Variants in TJP1 observed in about 807,000 individuals in gnomAD.
TJP1 encodes the protein tight junction protein ZO-1.
TJP1 carries 43 observed loss-of-function variants against 194.2 expected under a neutral mutation model. The observed-to-expected ratio is 0.22, with a 90% confidence interval of 0.17 to 0.29. The LOEUF (loss-of-function observed/expected upper bound fraction) is 0.29, where lower values mean the gene tolerates loss of function less well. TJP1 is among the 10% of genes least tolerant of loss of function. The pLI, the probability that TJP1 is intolerant of heterozygous loss-of-function variation, is 1.00. For missense variants in TJP1, 1,971 were observed against 2,185.7 expected (o/e 0.90, Z 1.96); for synonymous variants, 801 against 779.0 (o/e 1.03, Z -0.47).
intron 26 of TJP1, 102 bp downstream of exon 26, chr15:29,705,426 A>T: frequency 8.3e-7 from 1 of 1,206,660 alleles, no homozygotes; most frequent in Non-Finnish European, 1.2e-6. Context: ...TCATCTGGAG[A>T]TAGAGAGGTG....
chr15:29,825,607 G>C (rs1291130786), upstream of TJP1, among the ~76,000 whole-genome samples: 1 of 152,092 alleles, frequency 6.6e-6, no homozygotes, highest in African/African-American at 2.4e-5. Flanking sequence ...TATATGTATG[G>C]TTTTAATTGC....
At chr15:29,726,645 G>T in intron 17 of TJP1, 136 bp downstream of exon 17, 1 of 1,115,856 alleles carries the variant, frequency 9.0e-7, no homozygotes. Context: ...TAACCAAACA[G>T]CAGGTGTTAA....
At chr15:29,882,282 G>C (rs974413033) in intron 2 of TJP1, among the ~76,000 whole-genome samples, 3 of 152,124 alleles carry the variant, frequency 2.0e-5, no homozygotes, top group African/African-American at 7.2e-5. Flanking sequence ...TTTGGTTTTG[G>C]TGAAGGGGAG....
chr15:29,925,606 C>T (rs1718986), intron 2 of TJP1, among the ~76,000 whole-genome samples: 6 of 152,046 alleles, frequency 3.9e-5, no homozygotes, highest in Admixed American at 6.6e-5. Context: ...CACAAATACA[C>T]GCACCCTTTT....
chr15:29,843,016 A>C (rs1376581590), intron 2 of TJP1, among the ~76,000 whole-genome samples: 1 of 152,174 alleles, frequency 6.6e-6, no homozygotes, highest in Non-Finnish European at 1.5e-5. Flanking sequence ...ATAAAGATTA[A>C]AACGAACTCC....
chr15:29,932,087 G>A (rs1291561904), intron 2 of TJP1, among the ~76,000 whole-genome samples: 2 of 152,266 alleles, frequency 1.3e-5, no homozygotes, highest in East Asian at 1.9e-4. Context: ...TTTATGACCT[G>A]TATCTTGTGC....
At chr15:29,740,806 C>T (rs1407854322) in intron 10 of TJP1, among the ~76,000 whole-genome samples, 1 of 151,936 alleles carries the variant, frequency 6.6e-6, no homozygotes, top group Admixed American at 6.6e-5. Context: ...AGGTTCTCAA[C>T]CAATCTCAAC....
intron 2 of TJP1, among the ~76,000 whole-genome samples, chr15:29,955,753 T>TAAAAAAAAAAAAAAAAAAAAA (rs563535771): frequency 4.2e-4 from 15 of 35,814 alleles, no homozygotes; most frequent in East Asian, 1.1e-3. Flanking sequence ...CCTGGCTCTT[T>TAAAAAAAAAAAAAAAAAAAAA]AAAAAAAAAA....
chr15:29,955,425 C>T (rs567238673), intron 2 of TJP1, among the ~76,000 whole-genome samples: 22 of 151,980 alleles, frequency 1.4e-4, no homozygotes, highest in African/African-American at 4.3e-4. Flanking sequence ...TGCCAGTGTT[C>T]CTCCAAAAAC....
At chr15:29,953,158 T>TTTTTTTTTTTTTC (rs1210613739) in intron 2 of TJP1, among the ~76,000 whole-genome samples, 1 of 147,910 alleles carries the variant, frequency 6.8e-6, no homozygotes, top group Non-Finnish European at 1.5e-5. Flanking sequence ...TTTTTTTTTT[T>TTTTTTTTTTTTTC]TGCAACGGAG....
At chr15:29,801,391 T>G (rs1452297925) in intron 1 of TJP1, among the ~76,000 whole-genome samples, 1 of 152,150 alleles carries the variant, frequency 6.6e-6, no homozygotes. Context: ...ATACAGGTCC[T>G]GCCCAAATTA....
intron 2 of TJP1, among the ~76,000 whole-genome samples, chr15:29,784,535 C>G (rs907168597): frequency 6.6e-6 from 1 of 152,064 alleles, no homozygotes; most frequent in African/African-American, 2.4e-5. Flanking sequence ...AACTCCTGAC[C>G]TCAGGTGATC....
chr15:29,883,447 A>C (rs555478435), intron 2 of TJP1, among the ~76,000 whole-genome samples: 2 of 152,314 alleles, frequency 1.3e-5, no homozygotes, highest in African/African-American at 4.8e-5. Flanking sequence ...TGGAGGTTAA[A>C]TTTCTTCTGT....
chr15:29,772,625 T>G (rs1490645180), intron 3 of TJP1, among the ~76,000 whole-genome samples: 1 of 152,158 alleles, frequency 6.6e-6, no homozygotes, highest in Non-Finnish European at 1.5e-5. Context: ...ATAAAAAGGG[T>G]GGCAAGACTT....
intron 1 of TJP1, among the ~76,000 whole-genome samples, chr15:29,814,022 G>A (rs995324738): frequency 2.6e-5 from 4 of 152,168 alleles, no homozygotes; most frequent in Admixed American, 2.0e-4. Context: ...AAGCATATAA[G>A]CCAATTACTT....
intron 2 of TJP1, among the ~76,000 whole-genome samples, chr15:29,795,781 A>T (rs2048363757): frequency 6.6e-6 from 1 of 152,204 alleles, no homozygotes. Context: ...AAATCAATCC[A>T]GCAACATCTG....
intron 2 of TJP1, among the ~76,000 whole-genome samples, chr15:29,917,589 A>AACCCAG (rs1289925964): frequency 6.6e-6 from 1 of 152,200 alleles, no homozygotes; most frequent in Non-Finnish European, 1.5e-5. Context: ...TTTGCTCTGC[A>AACCCAG]ACCCAGGCTC....
Position 29,705,583 on chromosome 15 carries a change from G to C in TJP1, c.5013C>G (p.Ile1671Met). The change falls in exon 26 of 28, where the codon ATC becomes ATG. Residue 1671 changes from isoleucine to methionine, a missense_variant. By Grantham distance (10) the Ile-to-Met change is conservative. Around this residue, in one of 5 missense-constraint regions of TJP1, gnomAD observed 1,108 missense variants for 1,128.5 expected, o/e 0.98. Transcript: ENST00000614355. ...TGTTGTCCCGGCAGACCTTGAAATAGATTTCCTGCTCAACTCCTTCGGGAA... is the reference window on the plus strand; with the variant it reads ...TGTTGTCCCGGCAGACCTTGAAATACATTTCCTGCTCAACTCCTTCGGGAA... ...GAIPEGVEQEIYFKVCRDNSI... is the reference protein window; with the variant it reads ...GAIPEGVEQEMYFKVCRDNSI... 6.2e-7 allele frequency: 1 copy of C among 1,614,096 alleles called. No homozygotes were observed. Among genetic ancestry groups the C allele is most frequent in the Non-Finnish European group, 8.5e-7 (1 of 1,180,046 alleles).
At chr15:29,875,732 A>C (rs1335933099) in intron 2 of TJP1, among the ~76,000 whole-genome samples, 1 of 152,026 alleles carries the variant, frequency 6.6e-6, no homozygotes, top group Admixed American at 6.6e-5. Context: ...ATGCCCAGCT[A>C]ATTTTTGTAT....
Sources: gnomAD v4.1 joint callset for allele counts (sites outside exome capture counted in the v4.1 genomes callset) on GRCh38, gnomAD v4.1.1 for gene constraint, gnomAD v4.1.1 regional missense constraint, MANE v1.5 for transcripts, NCBI Gene and HGNC (gene_info 2026-07-23, HGNC 2026-07-21) for gene names.